ZRANB3: variants seen among roughly 807,000 people sequenced by gnomAD.
The protein encoded by ZRANB3 is zinc finger RANBP2-type containing 3.
ZRANB3 carries 125 observed loss-of-function variants against 133.8 expected under a neutral mutation model. The observed-to-expected ratio is 0.93, with a 90% CI of 0.81 to 1.08. The LOEUF (loss-of-function observed/expected upper bound fraction) is 1.08. ZRANB3 is among the 50% of genes least tolerant of loss of function. ZRANB3 has a pLI of 0.00. For synonymous variants in ZRANB3, 387 were observed against 432.7 expected (o/e 0.89, Z 1.31); for missense variants, 1,229 against 1,275.5 (o/e 0.96, Z 0.56).
At chr2:135,321,622 T>C (rs1683531710) in intron 6 of ZRANB3, among the ~76,000 whole-genome samples, 1 of 151,922 alleles carries the variant, frequency 6.6e-6, no homozygotes. Flanking sequence ...TACAGGTGTG[T>C]ACCACCATGC....
intron 4 of ZRANB3, among the ~76,000 whole-genome samples, chr2:135,351,413 G>A (rs1483833254): frequency 2.0e-5 from 3 of 151,782 alleles, no homozygotes; most frequent in East Asian, 1.9e-4. Flanking sequence ...GACTACAGGT[G>A]CCCATCACCA....
chr2:135,472,222 C>T (rs1285903934), intron 2 of ZRANB3, among the ~76,000 whole-genome samples: 1 of 152,206 alleles, frequency 6.6e-6, no homozygotes, highest in East Asian at 1.9e-4. Flanking sequence ...CAGATGTGGC[C>T]GGGCACGGTG....
At chr2:135,359,905 T>C (rs1685597118) in intron 3 of ZRANB3, among the ~76,000 whole-genome samples, 1 of 152,188 alleles carries the variant, frequency 6.6e-6, no homozygotes, top group South Asian at 2.1e-4. Context: ...TTTTTGGTTG[T>C]TCATTTTTGG....
intron 15 of ZRANB3, among the ~76,000 whole-genome samples, chr2:135,221,539 T>C (rs897337751): frequency 2.6e-5 from 4 of 152,146 alleles, no homozygotes; most frequent in Admixed American, 2.0e-4. Context: ...TTTCATTGTA[T>C]AGAGTAAAAA....
chr2:135,372,993 G>T (rs1051372601), intron 3 of ZRANB3, among the ~76,000 whole-genome samples: 3 of 150,520 alleles, frequency 2.0e-5, no homozygotes, highest in African/African-American at 4.9e-5. Context: ...AAGGCAGGAG[G>T]ATTGCTTGAG....
At chr2:135,262,159 C>CAAAAAAAAA (rs755264566) in intron 12 of ZRANB3, among the ~76,000 whole-genome samples, 32 of 63,720 alleles carry the variant, frequency 5.0e-4, no homozygotes, top group Non-Finnish European at 7.8e-4. Context: ...ACTCCATCTC[C>CAAAAAAAAA]AAAAAAAAAA....
intron 4 of ZRANB3, 141 bp downstream of exon 4, chr2:135,353,309 A>G: frequency 4.1e-6 from 2 of 491,150 alleles, no homozygotes; most frequent in Non-Finnish European, 3.4e-6. Context: ...CATATTTTAA[A>G]ATGTAAAATA....
intron 2 of ZRANB3, among the ~76,000 whole-genome samples, chr2:135,482,789 C>A (rs1691889166): frequency 6.6e-6 from 1 of 152,194 alleles, no homozygotes; most frequent in South Asian, 2.1e-4. Context: ...GAAATACGTT[C>A]CATCAGTACC....
At chr2:135,462,548 CCTTT>C (rs759323077) in intron 2 of ZRANB3, among the ~76,000 whole-genome samples, 10 of 151,374 alleles carry the variant, frequency 6.6e-5, no homozygotes, top group African/African-American at 2.4e-4. Flanking sequence ...TCCCTTCCTT[CCTTT>C]CTTTTCCTTC....
intron 3 of ZRANB3, among the ~76,000 whole-genome samples, chr2:135,357,399 G>A (rs766332314): frequency 6.6e-6 from 1 of 152,096 alleles, no homozygotes; most frequent in Non-Finnish European, 1.5e-5. Context: ...GGGTTCAAGC[G>A]ATTCTCCTGC....
At chr2:135,431,324 AG>A (rs1689313351) in intron 2 of ZRANB3, among the ~76,000 whole-genome samples, 1 of 150,720 alleles carries the variant, frequency 6.6e-6, no homozygotes, top group Admixed American at 6.6e-5. Context: ...TGTAAAAAAA[AG>A]TAGATGATAT....
chr2:135,471,155 T>A (rs1226180749), intron 2 of ZRANB3, among the ~76,000 whole-genome samples: 1 of 150,580 alleles, frequency 6.6e-6, no homozygotes, highest in African/African-American at 2.5e-5. Context: ...ATGAAAGAAA[T>A]TACAGAAATT....
chr2:135,279,403 G>C (rs78256223), intron 8 of ZRANB3, among the ~76,000 whole-genome samples: 26 of 152,250 alleles, frequency 1.7e-4, no homozygotes, highest in African/African-American at 6.3e-4. Context: ...AAGTGGAAGT[G>C]AAGTACTGTC....
chr2:135,374,858 A>G (rs138496059), intron 3 of ZRANB3, among the ~76,000 whole-genome samples: 154 of 152,274 alleles, frequency 1.0e-3, no homozygotes, highest in African/African-American at 3.1e-3. Context: ...CTTAAAACTC[A>G]ACAACAAAAA....
intron 2 of ZRANB3, among the ~76,000 whole-genome samples, chr2:135,403,755 T>C (rs574109396): frequency 6.6e-6 from 1 of 152,196 alleles, no homozygotes; most frequent in Admixed American, 6.5e-5. Flanking sequence ...GAGACAAAAC[T>C]TCCAGAGGAA....
At chr2:135,301,868 T>G (rs1682449060) in intron 8 of ZRANB3, among the ~76,000 whole-genome samples, 1 of 152,304 alleles carries the variant, frequency 6.6e-6, no homozygotes, top group Non-Finnish European at 1.5e-5. Flanking sequence ...GCAAGTTCCT[T>G]GAGAGGAAGA....
chr2:135,398,563 G>A (rs1687601821), intron 2 of ZRANB3, among the ~76,000 whole-genome samples: 1 of 136,992 alleles, frequency 7.3e-6, no homozygotes. Flanking sequence ...CTGTCGCCCA[G>A]GCTGGAGTGC....
Position 135,208,975 on chromosome 2 carries a change from G to A in ZRANB3, c.2499C>T (p.Tyr833=). The A allele has an allele frequency of 1.2e-6, 2 of 1,613,476 alleles. No individual in the cohort carries two copies. The highest frequency in any genetic ancestry group is 1.7e-6 in the Non-Finnish European group (2 of 1,179,502). ...QQTKQNCTKR[Y]ITKEDVAVAS... is the part of the protein sequence containing the mutation. ...CTACGGCAACATCTTCTTTGGTTAT[G>A]TATCTAAAACAATGATATGTTAAAT... The change falls in exon 18 of 21, where the codon TAC becomes TAT. Residue 833 remains tyrosine (Y), a synonymous_variant. Coordinates refer to ENST00000264159, the MANE Select transcript of ZRANB3 (RefSeq NM_032143.4).
At chr2:135,273,091 C>T (rs1007052642) in intron 9 of ZRANB3, among the ~76,000 whole-genome samples, 4 of 149,694 alleles carry the variant, frequency 2.7e-5, no homozygotes, top group African/African-American at 9.9e-5. Context: ...GAGGCTGAGG[C>T]AGAAGAATGG....
Sources: gnomAD v4.1 joint callset for allele counts (sites outside exome capture counted in the v4.1 genomes callset) on GRCh38, gnomAD v4.1.1 for gene constraint, MANE v1.5 for transcripts, NCBI Gene and HGNC (gene_info 2026-07-23, HGNC 2026-07-21) for gene names.